Variants in ADARB2 observed in about 807,000 individuals in gnomAD.
The protein encoded by ADARB2 is adenosine deaminase RNA specific B2 (inactive), also known as inactive double-stranded RNA-specific editase B2.
Under a neutral mutation model 62.2 loss-of-function variants are expected in ADARB2, and 25 were observed. That is an observed-to-expected ratio of 0.40 (90% CI 0.29 to 0.56). The LOEUF is 0.56. Ranked by LOEUF, ADARB2 falls within the 20% of genes least tolerant of loss-of-function variation. The pLI is 0.43. For synonymous variants in ADARB2, 572 were observed against 500.8 expected, an observed-to-expected ratio of 1.14 and a Z score of -1.90; for missense variants, 1,071 against 1,077.4, an observed-to-expected ratio of 0.99 and a Z score of 0.08.
At chr10:1,535,827 C>T (rs1242570690) in intron 1 of ADARB2, among the ~76,000 whole-genome samples, 1 of 152,172 alleles carries the variant, frequency 6.6e-6, no homozygotes, top group Non-Finnish European at 1.5e-5. Context: ...CCCGACCTCG[C>T]CCCTGTGAGT....
intron 1 of ADARB2, among the ~76,000 whole-genome samples, chr10:1,729,872 T>C (rs1835211056): frequency 6.6e-6 from 1 of 152,198 alleles, no homozygotes; most frequent in Non-Finnish European, 1.5e-5. Context: ...AGAAATCACA[T>C]CAGACATTAG....
At chr10:1,395,710 G>C (rs1285140246) in intron 1 of ADARB2, among the ~76,000 whole-genome samples, 1 of 152,184 alleles carries the variant, frequency 6.6e-6, no homozygotes, top group African/African-American at 2.4e-5. Context: ...ATCCCTATCT[G>C]CGTCCTGGGC....
intron 1 of ADARB2, among the ~76,000 whole-genome samples, chr10:1,490,588 G>C (rs1023933491): frequency 6.6e-6 from 1 of 152,140 alleles, no homozygotes; most frequent in Non-Finnish European, 1.5e-5. Context: ...CCCAGTAGCT[G>C]GGATTACAGG....
rs962017426 is a variant in ADARB2 at position 1,181,026 on chromosome 10, C to A, written c.*2167G>T. On this transcript the variant is annotated 3_prime_UTR_variant, in exon 10 of 10. Coordinates refer to ENST00000381312, the MANE Select transcript of ADARB2 (RefSeq NM_018702.4). ...GCTTTCCGAGTCCCGTGAATCAGAC[C>A]CTGCGTCTTCCCTGTGACAGTGAAA... The A allele has an allele frequency of 1.3e-5, 2 of 152,254 alleles. No individual in the cohort carries two copies. Among genetic ancestry groups the A allele is most frequent in the African/African-American group, 4.8e-5 (2 of 41,468 alleles). The allele number at this position is 152,254 out of a possible 1,614,324, so 9.4% of individuals were successfully genotyped here.
intron 4 of ADARB2, among the ~76,000 whole-genome samples, chr10:1,262,790 C>A (rs964487793): frequency 5.3e-5 from 8 of 152,164 alleles, no homozygotes; most frequent in African/African-American, 1.9e-4. Context: ...GGTATATACC[C>A]AAAGGATTAT....
chr10:1,228,656 G>A (rs77101205), intron 6 of ADARB2, among the ~76,000 whole-genome samples: 1,609 of 152,360 alleles, frequency 0.011, 34 homozygotes, highest in African/African-American at 0.036. Flanking sequence ...TGAGATGAAT[G>A]GAGTAGCCCT....
At chr10:1,444,876 TATCCATCCACCCACCC>T (rs1830949429) in intron 1 of ADARB2, among the ~76,000 whole-genome samples, 1 of 132,776 alleles carries the variant, frequency 7.5e-6, no homozygotes, top group African/African-American at 2.9e-5. Context: ...TCCATCCATC[TATCCATCCACCCACCC>T]ATCCATCCAC....
At chr10:1,652,496 G>C (rs940488711) in intron 1 of ADARB2, among the ~76,000 whole-genome samples, 1 of 152,178 alleles carries the variant, frequency 6.6e-6, no homozygotes, top group African/African-American at 2.4e-5. Flanking sequence ...ACTGACATCT[G>C]CTCTTAGGGG....
At chr10:1,618,577 G>T (rs1833670223) in intron 1 of ADARB2, among the ~76,000 whole-genome samples, 2 of 151,316 alleles carry the variant, frequency 1.3e-5, no homozygotes, top group South Asian at 4.2e-4. Flanking sequence ...AGAGGGTCTT[G>T]CACTTCACAT....
chr10:1,307,942 A>AG (rs1212888150), intron 3 of ADARB2, among the ~76,000 whole-genome samples: 4,843 of 84,502 alleles, frequency 0.057, 158 homozygotes, highest in African/African-American at 0.098. Context: ...GGGTGGGGGG[A>AG]GGGGGGAGGG....
chr10:1,349,617 T>A (rs1832115010), intron 3 of ADARB2, among the ~76,000 whole-genome samples: 1 of 152,142 alleles, frequency 6.6e-6, no homozygotes, highest in Non-Finnish European at 1.5e-5. Context: ...TCACTATCCC[T>A]CAACCTCTTT....
chr10:1,275,560 G>C (rs889428254), intron 3 of ADARB2, among the ~76,000 whole-genome samples: 9 of 151,876 alleles, frequency 5.9e-5, no homozygotes, highest in African/African-American at 2.2e-4. Context: ...ACAATGTGCA[G>C]GTTAGTTACA....
At chr10:1,396,387 C>A (rs767709416) in intron 1 of ADARB2, among the ~76,000 whole-genome samples, 12 of 152,154 alleles carry the variant, frequency 7.9e-5, no homozygotes, top group Non-Finnish European at 1.6e-4. Flanking sequence ...TGAGTTTGGG[C>A]TATTTGAACA....
chr10:1,546,922 CTGTGAAG>C (rs1832529159), intron 1 of ADARB2, among the ~76,000 whole-genome samples: 3 of 152,238 alleles, frequency 2.0e-5, no homozygotes, highest in Non-Finnish European at 4.4e-5. Flanking sequence ...AAGGGAGGGT[CTGTGAAG>C]TGCGAACACA....
At chr10:1,478,932 C>G (rs1183651509) in intron 1 of ADARB2, among the ~76,000 whole-genome samples, 1 of 152,100 alleles carries the variant, frequency 6.6e-6, no homozygotes. Flanking sequence ...AGATGGGGAC[C>G]CTTGGAGGAG....
At chr10:1,469,653 G>A (rs1831297062) in intron 1 of ADARB2, among the ~76,000 whole-genome samples, 1 of 152,122 alleles carries the variant, frequency 6.6e-6, no homozygotes, top group Non-Finnish European at 1.5e-5. Context: ...TCTGAGGAGA[G>A]AACAAAAAAG....
intron 1 of ADARB2, among the ~76,000 whole-genome samples, chr10:1,674,217 C>A (rs989988502): frequency 6.6e-6 from 1 of 152,210 alleles, no homozygotes; most frequent in Non-Finnish European, 1.5e-5. Context: ...TTGAAAGATC[C>A]ATTTTTTAAA....
At position 1,363,178 on chromosome 10, in the gene ADARB2, G is replaced by C. The variant is rs749476217; in HGVS notation, c.927C>G (p.Ala309=). Residue 309 remains alanine, a synonymous_variant, in exon 3 of 10, where the codon GCC becomes GCG. Transcript: ENST00000381312. The part of the protein sequence containing the change: ...AERRARSFVM[A]VSVDGRTFEG... ...CGAACGTCCTGCCGTCCACGCTCAC[G>C]GCCATCACGAAGCTCCGCGCGCGCC... is the stretch of plus-strand genomic sequence containing the variant. 1.3e-6 allele frequency: 2 copies of C among 1,529,312 alleles called. No individual in the cohort carries two copies. Among genetic ancestry groups the C allele is most frequent in the African/African-American group, 1.4e-5 (1 of 69,800 alleles). The allele number at this position is 1,529,312 out of a possible 1,614,324, so 94.7% of individuals were successfully genotyped here.
rs1225080380 is a variant in ADARB2 at position 1,626,808 on chromosome 10, A to G, written c.100+110243T>C. Among the ~76,000 whole-genome samples the G allele has an allele frequency of 2.6e-5, 4 of 152,300 alleles. No homozygotes were observed. In the East Asian group the frequency reaches 7.7e-4, roughly 29 times the overall value. Reference sequence around the variant, plus strand: ...GCCCGATTGTTACATGTTGTATTATATATAGTTTACTATATATTTAAAAAA... The same window carrying G: ...GCCCGATTGTTACATGTTGTATTATGTATAGTTTACTATATATTTAAAAAA... On this transcript the variant is annotated intron_variant, in intron 1 of 9. Coordinates refer to ENST00000381312, the MANE Select transcript of ADARB2 (RefSeq NM_018702.4).
Sources: gnomAD v4.1 joint callset for allele counts (sites outside exome capture counted in the v4.1 genomes callset) on GRCh38, gnomAD v4.1.1 for gene constraint, MANE v1.5 for transcripts, NCBI Gene and HGNC (gene_info 2026-07-23, HGNC 2026-07-21) for gene names.